HRH1: variants seen among roughly 807,000 people sequenced by gnomAD.
HRH1 encodes the protein histamine H1 receptor.
In HRH1, 6 loss-of-function variants were observed where a neutral mutation model predicts 10.3. The observed-to-expected ratio is 0.58, with a 90% confidence interval of 0.32 to 1.15. The LOEUF (loss-of-function observed/expected upper bound fraction) is 1.15, where lower values mean the gene tolerates loss of function less well. Among genes scored for constraint, HRH1 ranks in the 50% most tolerant of loss-of-function variants. The pLI is 0.05. For missense variants in HRH1, 514 were observed against 615.3 expected (o/e 0.84, Z 1.74); for synonymous variants, 242 against 236.7 (o/e 1.02, Z -0.21).
At chr3:11,220,537 C>G (rs548013518) in intron 1 of HRH1, among the ~76,000 whole-genome samples, 1 of 152,228 alleles carries the variant, frequency 6.6e-6, no homozygotes, top group African/African-American at 2.4e-5. Context: ...AGCTGCAGGG[C>G]TGCCCATGCA....
In HRH1 at chr3:11,189,496, A is replaced by T. The variant is rs539338069; in HGVS notation, c.-36+34942A>T. Reference sequence around the variant, plus strand: ...ATAACGAGATCCTTGGCATCTGTGGATGTAACAAGTTTCGCAATTCTCTAG... The same window carrying T: ...ATAACGAGATCCTTGGCATCTGTGGTTGTAACAAGTTTCGCAATTCTCTAG... On this transcript the variant is annotated intron_variant, in intron 1 of 1. Transcript: ENST00000431010. 4.6e-5 allele frequency among the ~76,000 whole-genome samples: 7 copies of T among 152,308 alleles called. No individual in the cohort carries two copies. In the South Asian group the frequency reaches 1.0e-3, roughly 23 times the overall value.
intron 1 of HRH1, among the ~76,000 whole-genome samples, chr3:11,201,898 G>A (rs1002110474): frequency 6.6e-6 from 1 of 152,222 alleles, no homozygotes; most frequent in African/African-American, 2.4e-5. Flanking sequence ...GCCCAGGCCT[G>A]TGGCAGTGTT....
chr3:11,181,148 T>G (rs1038465830), intron 1 of HRH1, among the ~76,000 whole-genome samples: 3 of 151,918 alleles, frequency 2.0e-5, no homozygotes, highest in Non-Finnish European at 4.4e-5. Flanking sequence ...CTAGGCCTAG[T>G]GGCATGTGCC....
At chr3:11,174,027 C>T (rs1937203951) in intron 1 of HRH1, among the ~76,000 whole-genome samples, 1 of 152,240 alleles carries the variant, frequency 6.6e-6, no homozygotes, top group South Asian at 2.1e-4. Context: ...GGGAAAACTC[C>T]TACTCATCCT....
upstream of HRH1, among the ~76,000 whole-genome samples, chr3:11,151,720 C>A (rs1018781266): frequency 4.6e-5 from 7 of 152,132 alleles, no homozygotes; most frequent in Admixed American, 1.3e-4. Flanking sequence ...AGGCTAGTCT[C>A]AAACTCCTGA....
chr3:11,227,776 G>A (rs1036663627), intron 1 of HRH1, among the ~76,000 whole-genome samples: 1 of 152,172 alleles, frequency 6.6e-6, no homozygotes, highest in East Asian at 1.9e-4. Context: ...AGTGAATAGA[G>A]TCTGTCCTTA....
At chr3:11,252,295 T>G (rs1489025866) in intron 1 of HRH1, among the ~76,000 whole-genome samples, 1 of 152,218 alleles carries the variant, frequency 6.6e-6, no homozygotes, top group Admixed American at 6.5e-5. Flanking sequence ...TTCTACAAAT[T>G]GGAGTTTGTT....
At chr3:11,197,444 C>T (rs1383218982) in intron 1 of HRH1, among the ~76,000 whole-genome samples, 1 of 152,100 alleles carries the variant, frequency 6.6e-6, no homozygotes, top group Non-Finnish European at 1.5e-5. Context: ...AATTATCCCC[C>T]AGAAAAGGGG....
intron 1 of HRH1, among the ~76,000 whole-genome samples, chr3:11,254,485 T>C (rs1939735029): frequency 6.6e-6 from 1 of 152,218 alleles, no homozygotes; most frequent in African/African-American, 2.4e-5. Context: ...AAGGAAATAC[T>C]TCACTGCCCC....
intron 1 of HRH1, among the ~76,000 whole-genome samples, chr3:11,171,755 A>C (rs773246368): frequency 6.6e-6 from 1 of 152,204 alleles, no homozygotes; most frequent in Non-Finnish European, 1.5e-5. Context: ...CAACTCTGGG[A>C]CCGCTCTCAA....
chr3:11,252,225 A>C (rs572066254), intron 1 of HRH1, among the ~76,000 whole-genome samples: 5 of 152,282 alleles, frequency 3.3e-5, no homozygotes, highest in African/African-American at 1.2e-4. Context: ...CCTTCAATCC[A>C]TTCAAGCCCA....
At chr3:11,216,938 C>T (rs1339081535) in intron 1 of HRH1, among the ~76,000 whole-genome samples, 1 of 151,570 alleles carries the variant, frequency 6.6e-6, no homozygotes, top group Non-Finnish European at 1.5e-5. Flanking sequence ...AATCCCAGCA[C>T]TTTGGGAGGC....
At chr3:11,184,791 C>T (rs886668585) in intron 1 of HRH1, among the ~76,000 whole-genome samples, 1 of 151,770 alleles carries the variant, frequency 6.6e-6, no homozygotes, top group Non-Finnish European at 1.5e-5. Context: ...GTGGTGGGCA[C>T]CTGTAGTCCC....
At chr3:11,210,910 C>T (rs1184367495) in intron 1 of HRH1, among the ~76,000 whole-genome samples, 2 of 152,092 alleles carry the variant, frequency 1.3e-5, no homozygotes, top group Non-Finnish European at 2.9e-5. Context: ...CCAGGGCCCT[C>T]AGAACATTGT....
chr3:11,234,638 T>C (rs917862728), intron 1 of HRH1: 93 of 1,377,480 alleles, frequency 6.8e-5, no homozygotes, highest in Non-Finnish European at 1.7e-5. Flanking sequence ...TCTTTGGTTA[T>C]AAATATGATT....
At chr3:11,218,917 G>A (rs1279118069) in intron 1 of HRH1, among the ~76,000 whole-genome samples, 1 of 151,834 alleles carries the variant, frequency 6.6e-6, no homozygotes, top group East Asian at 1.9e-4. Context: ...TGGAGACAGA[G>A]TCTTGCTCTG....
intron 1 of HRH1, among the ~76,000 whole-genome samples, chr3:11,159,035 G>T (rs981623353): frequency 6.6e-6 from 1 of 152,232 alleles, no homozygotes; most frequent in African/African-American, 2.4e-5. Flanking sequence ...ATCACCTGAG[G>T]TCGGGAGTTT....
At chr3:11,144,915 C>T (rs1198932526) in intron 1 of HRH1, among the ~76,000 whole-genome samples, 1 of 152,076 alleles carries the variant, frequency 6.6e-6, no homozygotes, top group African/African-American at 2.4e-5. Context: ...CTCTTCCTAT[C>T]TTTTTCTCAG....
chr3:11,150,586 C>T (rs1936585231), upstream of HRH1, among the ~76,000 whole-genome samples: 2 of 152,256 alleles, frequency 1.3e-5, no homozygotes, highest in African/African-American at 4.8e-5. Flanking sequence ...TGTGATTTTC[C>T]CATCTCCTCT....
Sources: gnomAD v4.1 joint callset for allele counts (sites outside exome capture counted in the v4.1 genomes callset) on GRCh38, gnomAD v4.1.1 for gene constraint, MANE v1.5 for transcripts, NCBI Gene and HGNC (gene_info 2026-07-23, HGNC 2026-07-21) for gene names.